Variants in USP44 observed in about 807,000 individuals in gnomAD.
USP44 encodes the protein ubiquitin carboxyl-terminal hydrolase 44.
In USP44, 61 loss-of-function variants were observed where a neutral mutation model predicts 69.0. The observed-to-expected ratio is 0.88, with a 90% CI of 0.72 to 1.09. The LOEUF (loss-of-function observed/expected upper bound fraction) is 1.09, where lower values mean the gene tolerates loss of function less well. Among genes scored for constraint, USP44 ranks in the 50% least tolerant of loss-of-function variants. The pLI is 0.00. For missense variants in USP44, 753 were observed against 849.9 expected, an observed-to-expected ratio of 0.89 and a Z score of 1.42; for synonymous variants, 297 against 295.4, an observed-to-expected ratio of 1.01 and a Z score of -0.06.
At chr12:95,525,574 C>T (rs1339840062) in intron 3 of USP44, among the ~76,000 whole-genome samples, 2 of 152,234 alleles carry the variant, frequency 1.3e-5, no homozygotes, top group Non-Finnish European at 2.9e-5. Flanking sequence ...CCTGATTGCC[C>T]AGAACATCCC....
intron 1 of USP44, among the ~76,000 whole-genome samples, chr12:95,541,516 G>A (rs899166733): frequency 2.0e-5 from 3 of 152,010 alleles, no homozygotes; most frequent in Non-Finnish European, 1.5e-5. Flanking sequence ...GGAGGTCGAG[G>A]CTGCAGCGAG....
At chr12:95,544,455 A>G (rs1189876070) in intron 1 of USP44, among the ~76,000 whole-genome samples, 3 of 152,242 alleles carry the variant, frequency 2.0e-5, no homozygotes, top group Non-Finnish European at 4.4e-5. Context: ...AAGGGACGAT[A>G]CAGCTGTAAG....
chr12:95,537,561 C>T (rs997549396), intron 1 of USP44, among the ~76,000 whole-genome samples: 2 of 152,158 alleles, frequency 1.3e-5, no homozygotes, highest in Non-Finnish European at 2.9e-5. Context: ...TCGTGACCTG[C>T]CTGCCTTGGC....
At chr12:95,521,637 T>A (rs754626143) in intron 4 of USP44, among the ~76,000 whole-genome samples, 1 of 152,124 alleles carries the variant, frequency 6.6e-6, no homozygotes, top group Admixed American at 6.5e-5. Flanking sequence ...CTGTGTGCCA[T>A]CATGCCTGGC....
rs2076778775 is a variant in USP44, at chr12:95,524,699, G to T, written c.1714C>A (p.Leu572Met). 1 of 1,611,858 alleles carries T rather than the reference G, an allele frequency of 6.2e-7. No individual in the cohort carries two copies. Among genetic ancestry groups the T allele is most frequent in the African/African-American group, 1.3e-5 (1 of 74,952 alleles). ...MICHLPQVLR[L>M]HLKRFRWSGR... ...ACAGACCTGAATCGTTTGAGGTGCAGTCTGAGAACCTGAGGTAGGTGGCAT... is the reference window on the plus strand; with the variant it reads ...ACAGACCTGAATCGTTTGAGGTGCATTCTGAGAACCTGAGGTAGGTGGCAT... The change falls in exon 4 of 6, where the codon CTG (leucine) becomes ATG (methionine). Residue 572 changes from leucine to methionine, a missense_variant. Coordinates refer to ENST00000258499, the MANE Select transcript of USP44 (RefSeq NM_032147.5).
In USP44 at chr12:95,533,715, T is replaced by C. The variant is rs773359983; in HGVS notation, c.542A>G (p.Gln181Arg). The C allele has an allele frequency of 1.7e-5, 27 of 1,613,928 alleles. No homozygotes were observed. Among genetic ancestry groups the C allele is most frequent in the Middle Eastern group, 3.3e-4 (2 of 6,084 alleles). ...TTCTCTTTTTACTACTATTTTTTCCTGAAATGGTTCTTCTTGCTTTTTTCT... is the reference window on the plus strand; with the variant it reads ...TTCTCTTTTTACTACTATTTTTTCCCGAAATGGTTCTTCTTGCTTTTTTCT... ...IGRKKQEEPFQEKIVVKREVK... is the reference protein window; with the variant it reads ...IGRKKQEEPFREKIVVKREVK... Residue 181 changes from glutamine to arginine, a missense_variant, in exon 2 of 6, where the codon CAG (glutamine) becomes CGG (arginine). Transcript: ENST00000258499.
rs2077094379 is a variant in USP44, at chr12:95,533,511, G to A, written c.746C>T (p.Ser249Leu). ...SPAKDKVLST[S>L]ENEISQKVSD... Reference sequence around the variant, plus strand: ...GACTTTTTGAGATATTTCATTTTCTGAGGTAGAGAGTACTTTATCTTTTGC... The same window carrying A: ...GACTTTTTGAGATATTTCATTTTCTAAGGTAGAGAGTACTTTATCTTTTGC... The change falls in exon 2 of 6, where the codon TCA becomes TTA. Residue 249 changes from serine to leucine, a missense_variant. By Grantham distance (145) the Ser-to-Leu change is moderately radical (BLOSUM62 -2). Coordinates refer to ENST00000258499, the MANE Select transcript of USP44 (RefSeq NM_032147.5). 6.2e-7 allele frequency: 1 copy of A among 1,614,006 alleles called. No individual in the cohort carries two copies. The highest frequency in any genetic ancestry group is 1.3e-5 in the African/African-American group (1 of 74,934).
At chr12:95,542,297 C>T (rs1168393984) in intron 1 of USP44, among the ~76,000 whole-genome samples, 7 of 152,184 alleles carry the variant, frequency 4.6e-5, no homozygotes, top group African/African-American at 7.2e-5. Flanking sequence ...GTTGGGTAGG[C>T]TCCTTATGGT....
intron 1 of USP44, among the ~76,000 whole-genome samples, chr12:95,544,779 C>G (rs1000941684): frequency 6.6e-6 from 1 of 152,008 alleles, no homozygotes; most frequent in Admixed American, 6.6e-5. Context: ...TGAATAGACA[C>G]TGAGATAACA....
At chr12:95,543,985 A>G (rs565201120) in intron 1 of USP44, among the ~76,000 whole-genome samples, 132 of 146,924 alleles carry the variant, frequency 9.0e-4, no homozygotes, top group African/African-American at 1.9e-3. Flanking sequence ...AAAAAAAAAA[A>G]AAAAGAAAAA....
chr12:95,539,173 A>T (rs2077304252), intron 1 of USP44, among the ~76,000 whole-genome samples: 1 of 152,124 alleles, frequency 6.6e-6, no homozygotes, highest in African/African-American at 2.4e-5. Context: ...GTAGCTATCA[A>T]ATGGCTTTTT....
At chr12:95,534,853 G>A (rs746069107) in intron 1 of USP44, among the ~76,000 whole-genome samples, 3 of 151,860 alleles carry the variant, frequency 2.0e-5, no homozygotes, top group Admixed American at 6.6e-5. Context: ...TCTGTTTTTC[G>A]TATTTTTACT....
intron 4 of USP44, 180 bp downstream of exon 4, chr12:95,524,496 CTAAA>C: frequency 2.2e-6 from 1 of 465,032 alleles, no homozygotes; most frequent in South Asian, 3.1e-5. Context: ...GACTCGATCT[CTAAA>C]TAAATAAACA....
chr12:95,536,039 C>CTTTTTTTTTTTT (rs397821709), intron 1 of USP44, among the ~76,000 whole-genome samples: 5 of 97,522 alleles, frequency 5.1e-5, no homozygotes, highest in Non-Finnish European at 6.4e-5. Context: ...CTTTTTTTTC[C>CTTTTTTTTTTTT]TTTTTTTTTT....
intron 4 of USP44, among the ~76,000 whole-genome samples, chr12:95,524,141 T>C (rs573415204): frequency 1.3e-5 from 2 of 152,096 alleles, no homozygotes; most frequent in South Asian, 2.1e-4. Flanking sequence ...AGTGCAACAG[T>C]GCGATATCGG....
chr12:95,546,519 C>T (rs909929286), intron 1 of USP44: 241 of 152,314 alleles, frequency 1.6e-3, no homozygotes, highest in African/African-American at 5.7e-3. Flanking sequence ...AATAGCAAAA[C>T]TGTCCCCCGT....
chr12:95,541,976 G>T (rs1402264375), intron 1 of USP44, among the ~76,000 whole-genome samples: 1 of 150,776 alleles, frequency 6.6e-6, no homozygotes, highest in African/African-American at 2.4e-5. Context: ...GTTGTTGCAG[G>T]CCCAAGTGAT....
At chr12:95,546,491 C>T (rs2077574796) in intron 1 of USP44, 1 of 152,152 alleles carries the variant, frequency 6.6e-6, no homozygotes, top group African/African-American at 2.4e-5. Flanking sequence ...TTATTTGTCA[C>T]CTATTTAGGC....
At chr12:95,536,490 A>C (rs1284614906) in intron 1 of USP44, among the ~76,000 whole-genome samples, 1 of 152,146 alleles carries the variant, frequency 6.6e-6, no homozygotes, top group Non-Finnish European at 1.5e-5. Context: ...GACATCAGTG[A>C]TTTATATATT....
Sources: gnomAD v4.1 joint callset for allele counts (sites outside exome capture counted in the v4.1 genomes callset) on GRCh38, gnomAD v4.1.1 for gene constraint, MANE v1.5 for transcripts, NCBI Gene and HGNC (gene_info 2026-07-23, HGNC 2026-07-21) for gene names.